TSC2: variants seen among roughly 807,000 people sequenced by gnomAD.
TSC2 encodes the protein tuberin.
In TSC2, 29 loss-of-function variants were observed where a neutral mutation model predicts 202.2. The observed-to-expected ratio is 0.14, with a 90% CI of 0.11 to 0.20. TSC2 has a LOEUF of 0.20. Ranked by LOEUF, TSC2 falls within the 10% of genes least tolerant of loss-of-function variation. TSC2 has a pLI of 1.00. For synonymous variants in TSC2, 1,349 were observed against 1,044.0 expected, an observed-to-expected ratio of 1.29 and a Z score of -5.63; for missense variants, 2,429 against 2,420.0, an observed-to-expected ratio of 1.00 and a Z score of -0.08.
chr16:2,061,198 T>C (rs565030966), intron 11 of TSC2: 16 of 343,900 alleles, frequency 4.7e-5, no homozygotes, highest in Middle Eastern at 2.0e-3. Context: ...TAACCACAGC[T>C]TTAAGGAGGA....
intron 31 of TSC2, chr16:2,082,225 G>A (rs758390122): frequency 4.7e-5 from 29 of 617,044 alleles, no homozygotes; most frequent in Admixed American, 8.5e-5. Context: ...GGCACTTAGC[G>A]GCCTAGGACG....
At chr16:2,058,912 G>GGA (rs1387559587) in intron 10 of TSC2, 39 bp downstream of exon 10, 1 of 1,595,006 alleles carries the variant, frequency 6.3e-7, no homozygotes, top group Non-Finnish European at 8.5e-7. Flanking sequence ...GGCAGGAACG[G>GGA]GAGAGCTCCC....
At chr16:2,064,723 C>G (rs902594241) in intron 15 of TSC2, 1 of 507,710 alleles carries the variant, frequency 2.0e-6, no homozygotes, top group Non-Finnish European at 3.6e-6. Context: ...GGCCTGCCGT[C>G]CTCCCTGCCC....
chr16:2,053,931 C>A, intron 4 of TSC2: 1 of 441,572 alleles, frequency 2.3e-6, no homozygotes, highest in Non-Finnish European at 4.4e-6. Flanking sequence ...CGTCCACTCT[C>A]ACAGGCTCTC....
rs1687383627 is a variant in TSC2, at chr16:2,074,835, G to A, written c.2545+446G>A. 1.8e-5 allele frequency: 5 copies of A among 282,696 alleles called. No homozygotes were observed. The South Asian group carries it at 1.9e-4, about 11-fold the overall frequency. The allele number at this position is 282,696 out of a possible 1,614,324, so 17.5% of individuals were successfully genotyped here. On this transcript the variant is annotated intron_variant, in intron 22 of 41. Transcript: ENST00000219476. ...GGGCACTGCTGGGCCCGCACTTGGT[G>A]TAGAGGCTGGAGAGAAGATCGTGTG...
chr16:2,048,563 C>T (rs1385559752), intron 1 of TSC2, 24 bp from the exon 2 acceptor site: 12 of 1,613,070 alleles, frequency 7.4e-6, no homozygotes, highest in Non-Finnish European at 1.0e-5. Context: ...CTCAGATGTC[C>T]CCATTCCTGT....
At chr16:2,065,032 T>C (rs139982960) in intron 15 of TSC2, 9,382 of 191,208 alleles carry the variant, frequency 0.049, 336 homozygotes, top group Non-Finnish European at 0.072. Flanking sequence ...GAGAATCGCT[T>C]GAACCTAGGA....
chr16:2,083,894 C>A, intron 33 of TSC2, 78 bp downstream of exon 33: 1 of 1,533,736 alleles, frequency 6.5e-7, no homozygotes. Flanking sequence ...GTGGGTGTGC[C>A]TGCACCCTGG....
chr16:2,077,300 C>T (rs752364447), intron 25 of TSC2: 15 of 423,226 alleles, frequency 3.5e-5, no homozygotes, highest in Non-Finnish European at 4.9e-5. Context: ...TGGAATCTGC[C>T]GTGGGGGTGA....
intron 9 of TSC2, among the ~76,000 whole-genome samples, chr16:2,058,293 G>T (rs1443295082): frequency 1.3e-5 from 2 of 152,284 alleles, no homozygotes; most frequent in East Asian, 3.9e-4. Flanking sequence ...CCTCTTGCCA[G>T]CAGGTTCTTC....
chr16:2,081,239 A>G lies in TSC2; in HGVS notation c.3611-356A>G. 7.9e-6 allele frequency: 3 copies of G among 378,014 alleles called. 1 individual carries two copies. The highest frequency in any genetic ancestry group is 4.4e-5 in the South Asian group (2 of 45,378). 23.4% of individuals were successfully genotyped at this position (378,014 alleles called of 1,614,324 possible). A position where few individuals can be genotyped will look rare whatever the true frequency, so the allele number is the denominator to read the frequency against. On this transcript the variant is annotated intron_variant, in intron 30 of 41. Transcript: ENST00000219476. ...CCGCAGAGGCCCAGAGCCCAGGGAC[A>G]GAGGGAGGCCTTTGCAGAGGCCCAG...
intron 36 of TSC2, 69 bp from the exon 37 acceptor site, chr16:2,086,124 C>T (rs2151566771): frequency 6.3e-7 from 1 of 1,588,030 alleles, no homozygotes; most frequent in East Asian, 2.2e-5. Context: ...CTGCTGGGCA[C>T]CCCCACCCTC....
intron 36 of TSC2, 141 bp downstream of exon 36, chr16:2,085,463 C>T: frequency 1.1e-6 from 1 of 930,570 alleles, no homozygotes; most frequent in Non-Finnish European, 1.7e-6. Flanking sequence ...TCATTGAGCT[C>T]TGTGCCAGGT....
intron 3 of TSC2, among the ~76,000 whole-genome samples, chr16:2,052,434 C>G (rs1156613924): frequency 1.3e-5 from 2 of 152,120 alleles, no homozygotes; most frequent in Non-Finnish European, 2.9e-5. Context: ...TTTAGCCTCT[C>G]AAGTAGCTGG....
chr16:2,066,046 A>G (rs2087306145), intron 16 of TSC2, among the ~76,000 whole-genome samples: 1 of 152,314 alleles, frequency 6.6e-6, no homozygotes, highest in Admixed American at 6.5e-5. Flanking sequence ...TGAACAGTTC[A>G]GTGGTTTTCA....
At chr16:2,052,614 C>T (rs903375759) in intron 3 of TSC2, among the ~76,000 whole-genome samples, 24 of 152,198 alleles carry the variant, frequency 1.6e-4, no homozygotes, top group African/African-American at 5.8e-4. Flanking sequence ...TTGGCCAGAA[C>T]ACGGCCATTT....
rs764113584 is a variant in TSC2 at position 2,079,589 on chromosome 16, A to T, written c.3317A>T (p.Lys1106Met). The T allele has an allele frequency of 6.2e-7, 1 of 1,611,494 alleles. No individual in the cohort carries two copies. Among genetic ancestry groups the T allele is most frequent in the African/African-American group, 1.3e-5 (1 of 74,914 alleles). The change falls in exon 29 of 42, where the codon AAG (lysine) becomes ATG (methionine). Residue 1106 changes from lysine to methionine, a missense_variant. By Grantham distance (95) the Lys-to-Met change is moderately conservative. Coordinates refer to ENST00000219476, the MANE Select transcript of TSC2 (RefSeq NM_000548.5). This position sits in a 1 kb window ranked among gnomAD's most constrained non-coding sequence, Gnocchi z 4.6. ...CCCGGGGTGCATGTGAGACAGACCA[A>T]GGAGGCGCCGGCCAAGCTGGAGTCC... ...SSPGVHVRQT[K>M]EAPAKLESQA...
Position 2,050,383 on chromosome 16 carries a change from C to T in TSC2, c.139-17C>T, listed in dbSNP as rs748987903. 4 of 1,613,382 alleles carry T rather than the reference C, an allele frequency of 2.5e-6. No homozygotes were observed. Among genetic ancestry groups the T allele is most frequent in the Non-Finnish European group, 3.4e-6 (4 of 1,179,572 alleles). On this transcript the variant is annotated splice_polypyrimidine_tract_variant and intron_variant, in intron 2 of 41. Transcript: ENST00000219476. ...GCCTGAGCACTGGCCCCTTTTTCTT[C>T]TTTCATCTCTCTCCAGGAACTGAGC... is the stretch of plus-strand genomic sequence containing the variant.
chr16:2,048,572 G>T lies in TSC2; in HGVS notation c.-29-15G>T, dbSNP rs754145689. On this transcript the variant is annotated splice_polypyrimidine_tract_variant and intron_variant, in intron 1 of 41. Transcript: ENST00000219476. Reference sequence around the variant, plus strand: ...GTGTTGCTCAGATGTCCCCATTCCTGTTTCGTTTGCACAGAGGGGTTTTCT... The same window carrying T: ...GTGTTGCTCAGATGTCCCCATTCCTTTTTCGTTTGCACAGAGGGGTTTTCT... The T allele has an allele frequency of 1.2e-6, 2 of 1,613,442 alleles. No homozygotes were observed. The highest frequency in any genetic ancestry group is 1.7e-6 in the Non-Finnish European group (2 of 1,180,004).
Sources: allele counts gnomAD v4.1 joint callset (sites outside exome capture counted in the v4.1 genomes callset), GRCh38; gene constraint gnomAD v4.1.1; non-coding constraint Gnocchi (gnomAD v3.1); transcripts MANE v1.5; gene names NCBI Gene and HGNC (gene_info 2026-07-23, HGNC 2026-07-21).